ADAMTS2: variants seen among roughly 807,000 people sequenced by gnomAD.
ADAMTS2 encodes the protein A disintegrin and metalloproteinase with thrombospondin motifs 2.
A neutral mutation model predicts 123.0 loss-of-function variants in ADAMTS2; 50 were observed. That is an observed-to-expected ratio of 0.41 (90% CI 0.32 to 0.51). ADAMTS2 has a LOEUF of 0.51. Among genes scored for constraint, ADAMTS2 ranks in the 20% least tolerant of loss-of-function variants. The probability of loss-of-function intolerance (pLI) is 0.35; values close to 1 mark genes in which losing one functional copy is unlikely to be tolerated. For synonymous variants in ADAMTS2, 678 were observed against 695.4 expected (o/e 0.98, Z 0.39); for missense variants, 1,494 against 1,705.2 (o/e 0.88, Z 2.18).
chr5:179,152,019 G>A, intron 10 of ADAMTS2, 123 bp downstream of exon 10: 2 of 810,596 alleles, frequency 2.5e-6, no homozygotes, highest in South Asian at 1.5e-5. Context: ...GAAAGGAGAG[G>A]GCAGCAGAGG....
chr5:179,264,557 GTC>G (rs1052948845), intron 3 of ADAMTS2, among the ~76,000 whole-genome samples: 1 of 152,248 alleles, frequency 6.6e-6, no homozygotes, highest in African/African-American at 2.4e-5. Flanking sequence ...GCCGTGTACT[GTC>G]TGCATGCCAG....
chr5:179,190,202 T>G (rs531840888), intron 4 of ADAMTS2, among the ~76,000 whole-genome samples: 1 of 152,174 alleles, frequency 6.6e-6, no homozygotes, highest in South Asian at 2.1e-4. Flanking sequence ...TGGTGAAGTG[T>G]TGGGGTGGTG....
chr5:179,205,557 T>A (rs1386805619), intron 4 of ADAMTS2, among the ~76,000 whole-genome samples: 2 of 152,118 alleles, frequency 1.3e-5, no homozygotes, highest in Non-Finnish European at 2.9e-5. Context: ...CCAAGCCCAG[T>A]CCTTTCCCCG....
In ADAMTS2 at chr5:179,132,191, G is replaced by A; in HGVS notation, c.2290+39C>T. On this transcript the variant is annotated intron_variant, in intron 15 of 21. Transcript: ENST00000251582. The surrounding 1 kb of genome is among the most constrained non-coding windows in gnomAD (Gnocchi z 6.1). ...CTGCCCATTGATCCCAGAGGAGCCA[G>A]GTCCTGAGGACGTCAAGTTGTCCGG... The A allele has an allele frequency of 1.3e-6, 2 of 1,597,118 alleles. No individual in the cohort carries two copies. The highest frequency in any genetic ancestry group is 8.6e-7 in the Non-Finnish European group (1 of 1,165,884).
At chr5:179,252,495 T>C (rs1305291346) in intron 3 of ADAMTS2, among the ~76,000 whole-genome samples, 1 of 152,236 alleles carries the variant, frequency 6.6e-6, no homozygotes, top group Non-Finnish European at 1.5e-5. Flanking sequence ...TTGAGTTGTA[T>C]TTTTGAAGTT....
At position 179,332,609 on chromosome 5, in the gene ADAMTS2, T is replaced by G. The variant is rs913337832; in HGVS notation, c.534+11158A>C. Reference sequence around the variant, plus strand: ...CAGTACCTCAGTCTGTGACCCAACCTGCATTGCCCCAGAAGCCCAGACCTC... The same window carrying G: ...CAGTACCTCAGTCTGTGACCCAACCGGCATTGCCCCAGAAGCCCAGACCTC... On this transcript the variant is annotated intron_variant, in intron 2 of 21. Transcript: ENST00000251582. The surrounding 1 kb of genome is among the most constrained non-coding windows in gnomAD (Gnocchi z 4.2). Among the ~76,000 whole-genome samples the G allele has an allele frequency of 6.6e-6, 1 of 151,292 alleles. No individual in the cohort carries two copies. The highest frequency in any genetic ancestry group is 1.5e-5 in the Non-Finnish European group (1 of 67,852).
chr5:179,208,650 A>G (rs770587639), intron 3 of ADAMTS2, among the ~76,000 whole-genome samples: 2 of 152,054 alleles, frequency 1.3e-5, no homozygotes, highest in African/African-American at 2.4e-5. Flanking sequence ...CCAGCCCTCC[A>G]CTGCCCGTCT....
intron 2 of ADAMTS2, among the ~76,000 whole-genome samples, chr5:179,294,162 G>T (rs915795305): frequency 6.6e-6 from 1 of 151,964 alleles, no homozygotes; most frequent in Non-Finnish European, 1.5e-5. Context: ...AGGCTGAGGT[G>T]GGAGAATCAC....
chr5:179,323,943 T>C (rs1757248011), intron 2 of ADAMTS2, among the ~76,000 whole-genome samples: 1 of 152,234 alleles, frequency 6.6e-6, no homozygotes, highest in Non-Finnish European at 1.5e-5. Flanking sequence ...ATCCATGCAA[T>C]GGAATCATAT....
intron 3 of ADAMTS2, among the ~76,000 whole-genome samples, chr5:179,251,586 A>G (rs1167006869): frequency 6.6e-6 from 1 of 152,142 alleles, no homozygotes; most frequent in Non-Finnish European, 1.5e-5. Flanking sequence ...CCGGCCCTCC[A>G]GGAGGGACAC....
rs200216140 is a variant in ADAMTS2, at chr5:179,236,193, CTG to C, written c.689-28480_689-28479del. The stretch of plus-strand genomic sequence containing the variant: ...CAATGATGGGCATCGTCCCTCTGTG[CTG>C]TGTTTGGGGTCTTCCCTCCCTCCAA... On this transcript the variant is annotated intron_variant, in intron 3 of 21. Coordinates refer to ENST00000251582, the MANE Select transcript of ADAMTS2 (RefSeq NM_014244.5). Among the ~76,000 whole-genome samples the C allele has an allele frequency of 6.0e-3, 910 of 152,324 alleles. 10 individuals carry two copies. Among genetic ancestry groups the C allele is most frequent in the African/African-American group, 0.021 (870 of 41,568 alleles).
At chr5:179,267,535 C>G (rs1766407565) in intron 3 of ADAMTS2, among the ~76,000 whole-genome samples, 1 of 152,208 alleles carries the variant, frequency 6.6e-6, no homozygotes, top group Non-Finnish European at 1.5e-5. Context: ...AGCCTGGTAG[C>G]AGTTCCCCAG....
In ADAMTS2 at chr5:179,182,793, G is replaced by A. The variant is rs1008445347; in HGVS notation, c.892-1638C>T. ...ACCCACGGGAGCGTGGCTGGTCACC[G>A]TGGCTCCGGGCTGTAGGCGTCTGGG... On this transcript the variant is annotated intron_variant, in intron 4 of 21. Transcript: ENST00000251582. 9.9e-5 allele frequency among the ~76,000 whole-genome samples: 15 copies of A among 152,130 alleles called. No individual in the cohort carries two copies. The East Asian group carries it at 1.4e-3, about 14-fold the overall frequency.
intron 3 of ADAMTS2, among the ~76,000 whole-genome samples, chr5:179,216,095 C>T (rs527684662): frequency 1.1e-4 from 17 of 152,266 alleles, no homozygotes; most frequent in African/African-American, 3.1e-4. Context: ...ATATAGAAAA[C>T]GGAAGCCCAA....
At chr5:179,136,554 A>T (rs1763069547) in intron 12 of ADAMTS2, among the ~76,000 whole-genome samples, 1 of 151,818 alleles carries the variant, frequency 6.6e-6, no homozygotes. Flanking sequence ...AATCCCAGAT[A>T]CTTGGGAGGC....
intron 4 of ADAMTS2, among the ~76,000 whole-genome samples, chr5:179,201,935 G>A (rs1447480813): frequency 6.6e-6 from 1 of 152,226 alleles, no homozygotes; most frequent in African/African-American, 2.4e-5. Flanking sequence ...GGAGTGGGCA[G>A]GTGGGTGGTT....
chr5:179,228,598 G>A lies in ADAMTS2; in HGVS notation c.689-20883C>T, dbSNP rs1408665752. Among the ~76,000 whole-genome samples the A allele has an allele frequency of 1.3e-5, 2 of 152,220 alleles. No homozygotes were observed. Among genetic ancestry groups the A allele is most frequent in the Non-Finnish European group, 1.5e-5 (1 of 68,044 alleles). ...TGCCTCCTGCCTGATGCAGTCTCTC[G>A]GCAGCAAGGCAGGTGCCCTGAGACC... On this transcript the variant is annotated intron_variant, in intron 3 of 21. Transcript: ENST00000251582. The surrounding 1 kb of genome is among the most constrained non-coding windows in gnomAD (Gnocchi z 5.2).
intron 2 of ADAMTS2, among the ~76,000 whole-genome samples, chr5:179,276,916 G>A (rs955842669): frequency 1.4e-4 from 21 of 152,180 alleles, no homozygotes; most frequent in African/African-American, 5.1e-4. Context: ...GCTCAGCCTG[G>A]GGAAGGGCAG....
chr5:179,251,416 C>T (rs2054782), intron 3 of ADAMTS2, among the ~76,000 whole-genome samples: 42,394 of 151,936 alleles, frequency 0.28, 7,273 homozygotes, highest in Non-Finnish European at 0.35. Flanking sequence ...ATCACCTCCC[C>T]AATTTATGAA....
Sources: allele counts gnomAD v4.1 joint callset (sites outside exome capture counted in the v4.1 genomes callset), GRCh38; gene constraint gnomAD v4.1.1; non-coding constraint Gnocchi (gnomAD v3.1); transcripts MANE v1.5; gene names NCBI Gene and HGNC (gene_info 2026-07-23, HGNC 2026-07-21).